Variants in P2RY8 observed in about 807,000 individuals in gnomAD.
The protein encoded by P2RY8 is P2Y receptor family member 8.
A neutral mutation model predicts 10.0 loss-of-function variants in P2RY8; 6 were observed. The ratio of observed to expected loss-of-function variants is 0.60; its 90% CI spans 0.33 to 1.19. The LOEUF (loss-of-function observed/expected upper bound fraction) is 1.19, where lower values mean the gene tolerates loss of function less well. Ranked by LOEUF, P2RY8 falls within the 50% of genes most tolerant of loss-of-function variation. The probability of loss-of-function intolerance (pLI) is 0.04; values close to 1 mark genes in which losing one functional copy is unlikely to be tolerated. For synonymous variants in P2RY8, 276 were observed against 252.5 expected (o/e 1.09, Z -0.88); for missense variants, 456 against 542.0 (o/e 0.84, Z 1.58).
chrX:1,495,708 CA>C, intron 1 of P2RY8, among the ~76,000 whole-genome samples: 1 of 122,162 alleles, frequency 8.2e-6, no homozygotes, highest in Non-Finnish European at 1.9e-5. Flanking sequence ...TGTGAGGACA[CA>C]GGGAGAAGAC....
intron 1 of P2RY8, among the ~76,000 whole-genome samples, chrX:1,484,514 C>T (rs1225408693): frequency 6.6e-5 from 10 of 151,522 alleles, no homozygotes; most frequent in Non-Finnish European, 1.3e-4. Flanking sequence ...ATCATGAGGT[C>T]GGAAGTTCGA....
chrX:1,523,766 T>TC (rs1569538659), intron 1 of P2RY8, among the ~76,000 whole-genome samples: 2 of 152,182 alleles, frequency 1.3e-5, no homozygotes, highest in Non-Finnish European at 2.9e-5. Flanking sequence ...CATCACAACT[T>TC]CCGCCTCCCG....
intron 1 of P2RY8, among the ~76,000 whole-genome samples, chrX:1,529,264 C>G (rs182189484): frequency 1.3e-5 from 2 of 152,226 alleles, no homozygotes; most frequent in African/African-American, 4.8e-5. Flanking sequence ...AGCATGCATA[C>G]AGCACATTGG....
At chrX:1,536,372 C>T (rs1245502464) in intron 1 of P2RY8, among the ~76,000 whole-genome samples, 14 of 152,222 alleles carry the variant, frequency 9.2e-5, no homozygotes, top group Non-Finnish European at 4.4e-5. Context: ...TGCCATTCTC[C>T]TGCCTCAGCC....
intron 1 of P2RY8, among the ~76,000 whole-genome samples, chrX:1,523,246 T>A (rs1350634470): frequency 6.6e-6 from 1 of 152,006 alleles, no homozygotes; most frequent in Non-Finnish European, 1.5e-5. Flanking sequence ...TGCCTTCCTT[T>A]CTGTGTCCCT....
intron 1 of P2RY8, among the ~76,000 whole-genome samples, chrX:1,487,755 C>A (rs2091999265): frequency 6.6e-6 from 1 of 152,102 alleles, no homozygotes; most frequent in Admixed American, 6.6e-5. Context: ...TCCTGGCCTG[C>A]TGGGCAGGTG....
At chrX:1,509,143 C>CCATCCATTCT (rs1183363872) in intron 1 of P2RY8, among the ~76,000 whole-genome samples, 2 of 142,582 alleles carry the variant, frequency 1.4e-5, no homozygotes, top group African/African-American at 5.2e-5. Flanking sequence ...ATCTATCTAT[C>CCATCCATTCT]ATCTATGTAT....
intron 1 of P2RY8, among the ~76,000 whole-genome samples, chrX:1,528,739 G>T (rs1216304313): frequency 6.6e-6 from 1 of 151,396 alleles, no homozygotes; most frequent in Non-Finnish European, 1.5e-5. Context: ...AATTCGTGTA[G>T]GTTTGAGTCT....
At chrX:1,505,978 T>C (rs766288359) in intron 1 of P2RY8, among the ~76,000 whole-genome samples, 1 of 144,240 alleles carries the variant, frequency 6.9e-6, no homozygotes, top group Non-Finnish European at 1.5e-5. Context: ...GCATCTTAAT[T>C]TCTTTCTTCT....
chrX:1,492,457 C>T (rs1303810451), intron 1 of P2RY8, among the ~76,000 whole-genome samples: 1 of 152,048 alleles, frequency 6.6e-6, no homozygotes, highest in African/African-American at 2.4e-5. Flanking sequence ...CTCTTTCCAT[C>T]CCTATAGAGA....
rs1423509038 is a variant in P2RY8 at position 1,494,866 on chromosome X, C to A, written c.-24-28284G>T. 1.4e-4 allele frequency among the ~76,000 whole-genome samples: 8 copies of A among 57,266 alleles called. 1 individual carries two copies. The highest frequency in any genetic ancestry group is 2.5e-4 in the African/African-American group (6 of 23,796). 37.6% of individuals were successfully genotyped at this position (57,266 alleles called of 152,430 possible). A position where few individuals can be genotyped will look rare whatever the true frequency, so the allele number is the denominator to read the frequency against. ...GACAGGCATACATCACCACACCTGGCTAATTTTTTTTTTTTTTTGTATTTT... is the reference window on the plus strand; with the variant it reads ...GACAGGCATACATCACCACACCTGGATAATTTTTTTTTTTTTTTGTATTTT... On this transcript the variant is annotated intron_variant, in intron 1 of 1. Transcript: ENST00000381297.
intron 1 of P2RY8, among the ~76,000 whole-genome samples, chrX:1,473,661 T>TC (rs1188931514): frequency 6.8e-6 from 1 of 146,556 alleles, no homozygotes; most frequent in African/African-American, 2.6e-5. Context: ...GATTGATGGG[T>TC]AGATGGATGG....
At chrX:1,479,498 G>T (rs866310796) in intron 1 of P2RY8, among the ~76,000 whole-genome samples, 15 of 152,330 alleles carry the variant, frequency 9.8e-5, no homozygotes, top group Middle Eastern at 3.4e-3. Context: ...TAGAAAGGAA[G>T]TAAGATCTAA....
At position 1,465,926 on chromosome X, in the gene P2RY8, A is replaced by G. The variant is rs766907435; in HGVS notation, c.633T>C (p.Ala211=). Residue 211 remains alanine, a synonymous_variant, in exon 2 of 2, where the codon GCT becomes GCC. Transcript: ENST00000381297. The part of the protein sequence containing the change: ...LFLIPFVITV[A]CYTATILKLL... Reference sequence around the variant, plus strand: ...GCTTGAGGATGGTGGCCGTGTAACAAGCCACGGTGATCACGAACGGGATGA... The same window carrying G: ...GCTTGAGGATGGTGGCCGTGTAACAGGCCACGGTGATCACGAACGGGATGA... The G allele has an allele frequency of 6.2e-7, 1 of 1,612,484 alleles. No individual in the cohort carries two copies. Among genetic ancestry groups the G allele is most frequent in the Non-Finnish European group, 8.5e-7 (1 of 1,179,770 alleles).
intron 1 of P2RY8, among the ~76,000 whole-genome samples, chrX:1,493,076 G>A (rs1314086382): frequency 6.0e-5 from 9 of 151,134 alleles, no homozygotes; most frequent in Non-Finnish European, 7.4e-5. Context: ...TCATGAGGTC[G>A]GGAGTTCGAG....
In P2RY8 at chrX:1,516,224, A is replaced by AAT. The variant is rs1312177440; in HGVS notation, c.-25+20696_-25+20697insAT. Among the ~76,000 whole-genome samples the AAT allele has an allele frequency of 2.7e-5, 4 of 150,378 alleles. 1 individual carries two copies. Among genetic ancestry groups the AAT allele is most frequent in the Non-Finnish European group, 5.9e-5 (4 of 67,402 alleles). The stretch of plus-strand genomic sequence containing the variant: ...GAAAAACAAAACAACAACAAAAAAA[A>AAT]AACAGGAAGAGACCGCAGAGCATCC... On this transcript the variant is annotated intron_variant, in intron 1 of 1. Coordinates refer to ENST00000381297, the MANE Select transcript of P2RY8 (RefSeq NM_178129.5).
chrX:1,514,250 C>T (rs1469703098), intron 1 of P2RY8, among the ~76,000 whole-genome samples: 4 of 152,174 alleles, frequency 2.6e-5, no homozygotes, highest in Admixed American at 2.0e-4. Flanking sequence ...GCTGGCTCTT[C>T]TCTCTGCCTA....
At chrX:1,477,805 A>G (rs1323444427) in intron 1 of P2RY8, among the ~76,000 whole-genome samples, 1 of 152,164 alleles carries the variant, frequency 6.6e-6, no homozygotes, top group Non-Finnish European at 1.5e-5. Flanking sequence ...ACAAACACAC[A>G]GAGCTCAGGA....
intron 1 of P2RY8, among the ~76,000 whole-genome samples, chrX:1,516,966 C>A (rs1369883020): frequency 1.3e-5 from 2 of 151,632 alleles, no homozygotes; most frequent in African/African-American, 2.4e-5. Context: ...GTGTTAGCAG[C>A]CTGAAGTGGA....
Sources: allele counts gnomAD v4.1 joint callset (sites outside exome capture counted in the v4.1 genomes callset), GRCh38; gene constraint gnomAD v4.1.1; transcripts MANE v1.5; gene names NCBI Gene and HGNC (gene_info 2026-07-23, HGNC 2026-07-21).